The following HIPK3 variants were observed in gnomAD, a reference collection of about 807,000 sequenced individuals.
The protein encoded by HIPK3 is homeodomain interacting protein kinase 3.
In HIPK3, 47 loss-of-function variants were observed where a neutral mutation model predicts 124.2. The observed-to-expected ratio is 0.38, with a 90% CI of 0.30 to 0.48. The LOEUF (loss-of-function observed/expected upper bound fraction) is 0.48. Among genes scored for constraint, HIPK3 ranks in the 20% least tolerant of loss-of-function variants. The pLI, the probability that HIPK3 is intolerant of heterozygous loss-of-function variation, is 0.98. For missense variants in HIPK3, 1,286 were observed against 1,454.3 expected (o/e 0.88, Z 1.88); for synonymous variants, 482 against 515.2 (o/e 0.94, Z 0.87).
intron 2 of HIPK3, among the ~76,000 whole-genome samples, chr11:33,297,250 C>T (rs1348269257): frequency 2.0e-5 from 3 of 151,958 alleles, no homozygotes; most frequent in Non-Finnish European, 2.9e-5. Context: ...CACACCACCA[C>T]GCCTGGCTAA....
chr11:33,293,062 C>T (rs1851743015), intron 2 of HIPK3, among the ~76,000 whole-genome samples: 1 of 152,188 alleles, frequency 6.6e-6, no homozygotes, highest in African/African-American at 2.4e-5. Context: ...CAGCGCCATA[C>T]CTGTGGCTGC....
At chr11:33,314,955 T>C (rs1476466059) in intron 2 of HIPK3, among the ~76,000 whole-genome samples, 4 of 152,216 alleles carry the variant, frequency 2.6e-5, no homozygotes, top group African/African-American at 9.6e-5. Context: ...TTACATTTAT[T>C]TTGTTATGTC....
intron 1 of HIPK3, among the ~76,000 whole-genome samples, chr11:33,266,647 G>A (rs138459820): frequency 0.047 from 7,085 of 152,300 alleles, 248 homozygotes; most frequent in Non-Finnish European, 0.075. Context: ...GGTCGATGCT[G>A]CAGTAAGTAA....
At position 33,353,253 on chromosome 11, in the gene HIPK3, C is replaced by T. The variant is rs1853721378; in HGVS notation, c.3333C>T (p.His1111=). 6.2e-7 allele frequency: 1 copy of T among 1,614,030 alleles called. No individual in the cohort carries two copies. The highest frequency in any genetic ancestry group is 8.5e-7 in the Non-Finnish European group (1 of 1,180,032). The change falls in exon 17 of 17, where the codon CAC becomes CAT. Residue 1111 remains histidine (H), a synonymous_variant. Coordinates refer to ENST00000303296, the MANE Select transcript of HIPK3 (RefSeq NM_005734.5). The part of the protein sequence containing the change: ...AVHAHLAGNT[H]LGGQPTLLPY... Reference sequence around the variant, plus strand: ...ATGCCCACCTGGCTGGAAATACACACCTCGGAGGACAGCCTACTCTACTTC... The same window carrying T: ...ATGCCCACCTGGCTGGAAATACACATCTCGGAGGACAGCCTACTCTACTTC...
In HIPK3 at chr11:33,339,470, G is replaced by C; in HGVS notation, c.1549G>C (p.Ala517Pro). Residue 517 changes from alanine to proline, a missense_variant, in exon 6 of 17, where the codon GCT becomes CCT. By Grantham distance (27) the Ala-to-Pro change is conservative. Around this residue, in one of 3 missense-constraint regions of HIPK3, gnomAD observed 810 missense variants for 864.9 expected, o/e 0.94. Coordinates refer to ENST00000303296, the MANE Select transcript of HIPK3 (RefSeq NM_005734.5). ...LIDADLRITP[A>P]ETLNHPFVNM... ...TGATGCAGATTTAAGAATTACTCCA[G>C]CTGAGACCCTGAACCATCCTTTTGT... The C allele has an allele frequency of 6.2e-7, 1 of 1,613,134 alleles. No homozygotes were observed. Among genetic ancestry groups the C allele is most frequent in the Non-Finnish European group, 8.5e-7 (1 of 1,179,280 alleles).
intron 2 of HIPK3, among the ~76,000 whole-genome samples, chr11:33,317,089 G>A (rs149116463): frequency 6.6e-6 from 1 of 151,654 alleles, no homozygotes; most frequent in East Asian, 1.9e-4. Flanking sequence ...TCATGCCTCA[G>A]CCTCCCTAAT....
chr11:33,308,559 A>G (rs1163249163), intron 2 of HIPK3, among the ~76,000 whole-genome samples: 1 of 151,118 alleles, frequency 6.6e-6, no homozygotes, highest in East Asian at 1.9e-4. Flanking sequence ...GGCTGCATTT[A>G]GGGTTTTTCT....
chr11:33,257,462 T>G lies in HIPK3; in HGVS notation c.-430T>G, dbSNP rs1850696072. 1.0e-6 allele frequency: 1 copy of G among 985,486 alleles called. No homozygotes were observed. The highest frequency in any genetic ancestry group is 1.2e-6 in the Non-Finnish European group (1 of 830,190). The allele number at this position is 985,486 out of a possible 1,614,324, so 61.0% of individuals were successfully genotyped here. A position where few individuals can be genotyped will look rare whatever the true frequency, so the allele number is the denominator to read the frequency against. ...CCGCAGGCCCCGCCGTCGCCACCACTCCCGCCAGTCTTCCTTCTCCGCTCC... is the reference window on the plus strand; with the variant it reads ...CCGCAGGCCCCGCCGTCGCCACCACGCCCGCCAGTCTTCCTTCTCCGCTCC... On this transcript the variant is annotated 5_prime_UTR_variant, in exon 1 of 17. Coordinates refer to ENST00000303296, the MANE Select transcript of HIPK3 (RefSeq NM_005734.5).
At chr11:33,338,620 TAA>T in intron 4 of HIPK3, 135 bp from the exon 5 acceptor site, 1 of 496,674 alleles carries the variant, frequency 2.0e-6, no homozygotes, top group Non-Finnish European at 3.4e-6. Flanking sequence ...GCGTATACTT[TAA>T]AAAATACATT....
intron 2 of HIPK3, among the ~76,000 whole-genome samples, chr11:33,305,048 T>C (rs1229422296): frequency 2.6e-5 from 4 of 152,228 alleles, no homozygotes; most frequent in African/African-American, 7.2e-5. Context: ...TCGCCCAGGC[T>C]GGAGTACAGT....
intron 2 of HIPK3, 80 bp from the exon 3 acceptor site, chr11:33,328,430 C>G (rs559961611): frequency 4.1e-4 from 584 of 1,410,940 alleles, no homozygotes; most frequent in Middle Eastern, 4.0e-4. Flanking sequence ...GTCATTTTAC[C>G]AACTTCCTAG....
chr11:33,286,687 T>TATG lies in HIPK3; in HGVS notation c.274_275insTGA (p.Ala91_Thr92insMet), dbSNP rs1565064109. Reference sequence around the variant, plus strand: ...TTGTTTTGAAAAACACTGCAGGTGCTACAAAGGTCATAGCAGCTCAGGCAC... The same window carrying TATG: ...TTGTTTTGAAAAACACTGCAGGTGCTATGACAAAGGTCATAGCAGCTCAGGCAC... On this transcript the variant is annotated inframe_insertion, in exon 2 of 17. Transcript: ENST00000303296. 1 of 1,614,154 alleles carries TATG rather than the reference T, an allele frequency of 6.2e-7. No individual in the cohort carries two copies. The highest frequency in any genetic ancestry group is 2.2e-5 in the East Asian group (1 of 44,884).
intron 2 of HIPK3, among the ~76,000 whole-genome samples, chr11:33,311,034 C>T (rs938946345): frequency 6.6e-6 from 1 of 152,220 alleles, no homozygotes; most frequent in Non-Finnish European, 1.5e-5. Context: ...CTACTACTTT[C>T]TGTTCAGCCT....
rs1173463621 is a variant in HIPK3 at position 33,339,541 on chromosome 11, T to TA, written c.1613+8dup. Reference sequence around the variant, plus strand: ...ATTTCCCTCATAGCAACCAGTATGTTACTTTAAGATCTTTTAAAGTGGTTC... The same window carrying TA: ...ATTTCCCTCATAGCAACCAGTATGTTAACTTTAAGATCTTTTAAAGTGGTTC... On this transcript the variant is annotated splice_region_variant and intron_variant, in intron 6 of 16. Coordinates refer to ENST00000303296, the MANE Select transcript of HIPK3 (RefSeq NM_005734.5). 3.2e-6 allele frequency: 5 copies of TA among 1,555,766 alleles called. No individual in the cohort carries two copies. In the South Asian group the frequency reaches 5.8e-5, roughly 18 times the overall value.
At chr11:33,291,469 T>C (rs1851696370) in intron 2 of HIPK3, among the ~76,000 whole-genome samples, 1 of 152,230 alleles carries the variant, frequency 6.6e-6, no homozygotes, top group Admixed American at 6.5e-5. Flanking sequence ...TAGGGATATC[T>C]TAAAATAGAC....
Position 33,351,667 on chromosome 11 carries a change from A to G in HIPK3, c.2867A>G (p.Asp956Gly). ...ACGGTGGATGGCTCTCCGACATCTG[A>G]CTCTTCCGGGCATGACAGTCCATTT... ...CDTVDGSPTSDSSGHDSPFAE... is the reference protein window; with the variant it reads ...CDTVDGSPTSGSSGHDSPFAE... Residue 956 changes from aspartate to glycine, a missense_variant, in exon 15 of 17, where the codon GAC becomes GGC. Physicochemically the swap from Asp to Gly is moderately conservative, Grantham distance 94. Transcript: ENST00000303296. 6.2e-7 allele frequency: 1 copy of G among 1,614,070 alleles called. No homozygotes were observed. The highest frequency in any genetic ancestry group is 8.5e-7 in the Non-Finnish European group (1 of 1,180,006).
At chr11:33,279,826 C>T (rs1851365998) in intron 1 of HIPK3, among the ~76,000 whole-genome samples, 1 of 152,096 alleles carries the variant, frequency 6.6e-6, no homozygotes, top group Admixed American at 6.6e-5. Flanking sequence ...CTTTCTCCTC[C>T]TTCAAAGATG....
At chr11:33,267,655 A>G (rs1281464349) in intron 1 of HIPK3, among the ~76,000 whole-genome samples, 3 of 151,500 alleles carry the variant, frequency 2.0e-5, no homozygotes, top group East Asian at 3.9e-4. Context: ...CACCACGCCC[A>G]GCTAAAATCT....
At position 33,347,836 on chromosome 11, in the gene HIPK3, C is replaced by G. The variant is rs200467770; in HGVS notation, c.2145-16C>G. 4.3e-6 allele frequency: 7 copies of G among 1,613,934 alleles called. No individual in the cohort carries two copies. Among genetic ancestry groups the G allele is most frequent in the Non-Finnish European group, 5.9e-6 (7 of 1,179,942 alleles). ...AAAGATCTTGATTAAAAACATTGTT[C>G]TGAACTTCTCCCTAGGAAGATGATT... On this transcript the variant is annotated splice_polypyrimidine_tract_variant and intron_variant, in intron 10 of 16. Transcript: ENST00000303296.
Sources: allele counts gnomAD v4.1 joint callset (sites outside exome capture counted in the v4.1 genomes callset), GRCh38; gene constraint gnomAD v4.1.1; regional missense constraint gnomAD v4.1.1; transcripts MANE v1.5; gene names NCBI Gene and HGNC (gene_info 2026-07-23, HGNC 2026-07-21).